The following CNTNAP3B variants were observed in gnomAD, a reference collection of about 807,000 sequenced individuals.
CNTNAP3B encodes the protein contactin-associated protein-like 3B.
In CNTNAP3B, 25 loss-of-function variants were observed where a neutral mutation model predicts 108.9. The observed-to-expected ratio is 0.23, with a 90% confidence interval of 0.17 to 0.32. The LOEUF (loss-of-function observed/expected upper bound fraction) is 0.32. CNTNAP3B is among the 10% of genes least tolerant of loss of function. The pLI is 1.00. For synonymous variants in CNTNAP3B, 103 were observed against 473.4 expected, an observed-to-expected ratio of 0.22 and a Z score of 10.16; for missense variants, 252 against 1,210.4, an observed-to-expected ratio of 0.21 and a Z score of 11.75.
At chr9:42,098,031 C>A (rs57341620) in intron 2 of CNTNAP3B, among the ~76,000 whole-genome samples, 58,997 of 135,646 alleles carry the variant, frequency 0.43, 17,384 homozygotes, top group East Asian at 0.7. Context: ...TTTGGAAAAA[C>A]GAGGGAGTGA....
chr9:42,057,348 G>A lies in CNTNAP3B; in HGVS notation c.390+19521C>T, dbSNP rs1587236173. ...GCGTACCAAGTAGCTGGAATTACAG[G>A]AGCACGCCACCACACCCAGCTAATT... On this transcript the variant is annotated intron_variant, in intron 3 of 23. Coordinates refer to ENST00000377561, the MANE Select transcript of CNTNAP3B (RefSeq NM_001201380.3). 2.6e-5 allele frequency among the ~76,000 whole-genome samples: 2 copies of A among 77,480 alleles called. 1 individual carries two copies. The allele number at this position is 77,480 out of a possible 152,430, so 50.8% of individuals were successfully genotyped here. A position where few individuals can be genotyped will look rare whatever the true frequency, so the allele number is the denominator to read the frequency against.
intron 8 of CNTNAP3B, among the ~76,000 whole-genome samples, chr9:41,989,805 A>G (rs1825771720): frequency 6.8e-6 from 1 of 147,916 alleles, no homozygotes; most frequent in African/African-American, 2.5e-5. Context: ...GTAAACACCA[A>G]GAAAGGCAGT....
chr9:41,941,462 A>T (rs1222963646), intron 13 of CNTNAP3B, among the ~76,000 whole-genome samples: 60 of 148,576 alleles, frequency 4.0e-4, no homozygotes, highest in African/African-American at 1.2e-3. Flanking sequence ...ATAATGATTT[A>T]AAAAAAAATC....
At chr9:42,126,520 T>C (rs1189180986) in intron 1 of CNTNAP3B, among the ~76,000 whole-genome samples, 1 of 138,522 alleles carries the variant, frequency 7.2e-6, no homozygotes, top group Non-Finnish European at 1.5e-5. Context: ...TCAAATAACA[T>C]TCAGATAAAC....
At chr9:41,942,480 G>A (rs1382141893) in intron 13 of CNTNAP3B, among the ~76,000 whole-genome samples, 526 of 151,262 alleles carry the variant, frequency 3.5e-3, no homozygotes, top group African/African-American at 0.012. Flanking sequence ...GCGTGGTGGC[G>A]GGCGCCTGTA....
chr9:42,119,271 A>G lies in CNTNAP3B; in HGVS notation c.85+9739T>C, dbSNP rs1170677401. Among the ~76,000 whole-genome samples the G allele has an allele frequency of 7.2e-5, 9 of 125,178 alleles. 2 individuals carry two copies. The highest frequency in any genetic ancestry group is 1.5e-4 in the Non-Finnish European group (9 of 60,476). 82.1% of individuals were successfully genotyped at this position (125,178 alleles called of 152,430 possible). ...AAAATACCTAGGAATCCAACTTACA[A>G]GGGATGTGAAGGAACTCTTCAAGGA... On this transcript the variant is annotated intron_variant, in intron 1 of 23. Coordinates refer to ENST00000377561, the MANE Select transcript of CNTNAP3B (RefSeq NM_001201380.3).
rs560763173 is a variant in CNTNAP3B at position 42,080,511 on chromosome 9, A to G, written c.197-3449T>C. ...ACTGACCTGTGCACTGCTGGATAGC[A>G]CTAATCTGTGTGCCTTTGTTAAAGG... On this transcript the variant is annotated intron_variant, in intron 2 of 23. Transcript: ENST00000377561. 5.7e-4 allele frequency among the ~76,000 whole-genome samples: 79 copies of G among 137,920 alleles called. 8 individuals are homozygous for G. In the South Asian group the frequency reaches 0.018, roughly 32 times the overall value. 90.5% of individuals were successfully genotyped at this position (137,920 alleles called of 152,430 possible).
Position 41,943,753 on chromosome 9 carries a change from T to C in CNTNAP3B, c.2081-5353A>G, listed in dbSNP as rs1480858639. On this transcript the variant is annotated intron_variant, in intron 13 of 23. Coordinates refer to ENST00000377561, the MANE Select transcript of CNTNAP3B (RefSeq NM_001201380.3). ...GAACCAGAAGAAATATTTAAAATAATGACAGTTGAGAATGTTTCAAAATTA... is the reference window on the plus strand; with the variant it reads ...GAACCAGAAGAAATATTTAAAATAACGACAGTTGAGAATGTTTCAAAATTA... 2.5e-4 allele frequency among the ~76,000 whole-genome samples: 38 copies of C among 152,132 alleles called. No individual in the cohort carries two copies. The East Asian group carries it at 6.8e-3, about 27-fold the overall frequency.
chr9:41,961,096 A>G (rs545018161), intron 11 of CNTNAP3B, among the ~76,000 whole-genome samples: 1 of 152,428 alleles, frequency 6.6e-6, no homozygotes, highest in African/African-American at 2.4e-5. Context: ...AAGGAGAAAA[A>G]AATTACCTAG....
rs1007592433 is a variant in CNTNAP3B at position 42,110,272 on chromosome 9, C to T, written c.86-5533G>A. The stretch of plus-strand genomic sequence containing the variant: ...ACTCAATTCCTTCTGAGAAGGGCTT[C>T]GTGATGCTAAGCCACTCTGCCAGGC... On this transcript the variant is annotated intron_variant, in intron 1 of 23. Coordinates refer to ENST00000377561, the MANE Select transcript of CNTNAP3B (RefSeq NM_001201380.3). Among the ~76,000 whole-genome samples, 10 of 136,152 alleles carry T rather than the reference C, an allele frequency of 7.3e-5. 2 individuals are homozygous for T. The highest frequency in any genetic ancestry group is 2.4e-4 in the South Asian group (1 of 4,150). The allele number at this position is 136,152 out of a possible 152,430, so 89.3% of individuals were successfully genotyped here. A position where few individuals can be genotyped will look rare whatever the true frequency, so the allele number is the denominator to read the frequency against.
Position 42,075,445 on chromosome 9 carries a change from C to T in CNTNAP3B, c.390+1424G>A, listed in dbSNP as rs1332866712. 2.9e-4 allele frequency among the ~76,000 whole-genome samples: 40 copies of T among 137,708 alleles called. 2 individuals are homozygous for T. The highest frequency in any genetic ancestry group is 9.0e-4 in the African/African-American group (31 of 34,498). The allele number at this position is 137,708 out of a possible 152,430, so 90.3% of individuals were successfully genotyped here. On this transcript the variant is annotated intron_variant, in intron 3 of 23. Transcript: ENST00000377561. ...TCACTTGTTCCAGTGAAGCTCAACACGCTCCTACACGAGGTAAGATCATGA... is the reference window on the plus strand; with the variant it reads ...TCACTTGTTCCAGTGAAGCTCAACATGCTCCTACACGAGGTAAGATCATGA...
intron 3 of CNTNAP3B, among the ~76,000 whole-genome samples, chr9:42,034,182 A>ATATCTATCTATCTATCTATCTATC (rs1217089190): frequency 3.2e-5 from 2 of 61,862 alleles, no homozygotes; most frequent in Admixed American, 1.6e-4. Flanking sequence ...ATGTATGTAT[A>ATATCTATCTATCTATCTATCTATC]TATGTATCTA....
At chr9:41,922,203 C>T (rs1328791971) in intron 17 of CNTNAP3B, among the ~76,000 whole-genome samples, 8 of 129,356 alleles carry the variant, frequency 6.2e-5, no homozygotes, top group Non-Finnish European at 1.3e-4. Context: ...CGGTGGCTCG[C>T]GCCTGTAATC....
intron 13 of CNTNAP3B, among the ~76,000 whole-genome samples, chr9:41,938,944 G>A (rs1479591544): frequency 1.8e-4 from 28 of 152,230 alleles, no homozygotes; most frequent in Admixed American, 7.8e-4. Flanking sequence ...GGAGGTTAAG[G>A]AATGACATTG....
intron 12 of CNTNAP3B, among the ~76,000 whole-genome samples, chr9:41,955,930 T>C (rs2645511): frequency 0.014 from 2,129 of 151,896 alleles, 19 homozygotes; most frequent in African/African-American, 0.035. Flanking sequence ...ACATGTGACC[T>C]ACTGAACCTA....
chr9:42,109,880 GTGA>G (rs1184398900), intron 1 of CNTNAP3B, among the ~76,000 whole-genome samples: 1 of 136,416 alleles, frequency 7.3e-6, no homozygotes, highest in Admixed American at 7.3e-5. Flanking sequence ...AGAGATAAAG[GTGA>G]TGATGAACAG....
At position 42,026,567 on chromosome 9, in the gene CNTNAP3B, G is replaced by A. The variant is rs1357472101; in HGVS notation, c.391-13042C>T. 4.3e-5 allele frequency among the ~76,000 whole-genome samples: 4 copies of A among 92,966 alleles called. 1 individual carries two copies. Among genetic ancestry groups the A allele is most frequent in the East Asian group, 5.9e-4 (1 of 1,690 alleles). The allele number at this position is 92,966 out of a possible 152,430, so 61.0% of individuals were successfully genotyped here. ...GCTCCACGGCACGGCACTCCAGCCC[G>A]GGCGACAGAGTGAGCCTCCGTCTCA... is the stretch of plus-strand genomic sequence containing the variant. On this transcript the variant is annotated intron_variant, in intron 3 of 23. Transcript: ENST00000377561.
At chr9:42,110,655 G>A (rs1828177313) in intron 1 of CNTNAP3B, among the ~76,000 whole-genome samples, 1 of 137,738 alleles carries the variant, frequency 7.3e-6, no homozygotes, top group African/African-American at 2.9e-5. Context: ...AGGGAGCACG[G>A]CCTCGGGAAT....
chr9:42,086,498 G>T (rs1297912991), intron 2 of CNTNAP3B, among the ~76,000 whole-genome samples: 3 of 135,996 alleles, frequency 2.2e-5, no homozygotes, highest in African/African-American at 8.8e-5. Flanking sequence ...CCCAGGCCAA[G>T]ATTCAATGCA....
Sources: gnomAD v4.1 joint callset for allele counts (sites outside exome capture counted in the v4.1 genomes callset) on GRCh38, gnomAD v4.1.1 for gene constraint, MANE v1.5 for transcripts, NCBI Gene and HGNC (gene_info 2026-07-23, HGNC 2026-07-21) for gene names.